PDLIM5: variants seen among roughly 807,000 people sequenced by gnomAD.
PDLIM5 encodes the protein PDZ and LIM domain protein 5.
A neutral mutation model predicts 64.2 loss-of-function variants in PDLIM5; 34 were observed. The ratio of observed to expected loss-of-function variants is 0.53; its 90% CI spans 0.40 to 0.71. PDLIM5 has a LOEUF of 0.71. PDLIM5 is among the 30% of genes least tolerant of loss of function. PDLIM5 has a pLI of 0.00. For missense variants in PDLIM5, 683 were observed against 733.6 expected, an observed-to-expected ratio of 0.93 and a Z score of 0.80; for synonymous variants, 253 against 269.1, an observed-to-expected ratio of 0.94 and a Z score of 0.59.
chr4:94,482,515 T>A (rs1207627585), intron 2 of PDLIM5, among the ~76,000 whole-genome samples: 1 of 152,208 alleles, frequency 6.6e-6, no homozygotes, highest in African/African-American at 2.4e-5. Flanking sequence ...GTAATGAATG[T>A]CTAATAATGA....
At chr4:94,611,195 A>G in intron 7 of PDLIM5, 2 of 1,534,802 alleles carry the variant, frequency 1.3e-6, no homozygotes, top group Non-Finnish European at 1.7e-6. Flanking sequence ...ATGTTAAGAA[A>G]ACAAGGTACT....
intron 2 of PDLIM5, among the ~76,000 whole-genome samples, chr4:94,488,142 A>T (rs1002568095): frequency 6.6e-6 from 1 of 152,222 alleles, no homozygotes; most frequent in Admixed American, 6.5e-5. Context: ...ACACTGATGC[A>T]GTCCAGCTTG....
intron 2 of PDLIM5, among the ~76,000 whole-genome samples, chr4:94,499,887 A>G (rs1427157767): frequency 6.6e-6 from 1 of 152,192 alleles, no homozygotes; most frequent in Non-Finnish European, 1.5e-5. Context: ...ATGAGAATCT[A>G]ATGCCTGATG....
intron 3 of PDLIM5, among the ~76,000 whole-genome samples, chr4:94,535,426 G>A (rs1000148654): frequency 5.3e-5 from 8 of 152,058 alleles, no homozygotes; most frequent in Non-Finnish European, 1.2e-4. Flanking sequence ...GTTCAATGTG[G>A]GCAAAACTAA....
chr4:94,598,451 G>A (rs890620343), intron 7 of PDLIM5, among the ~76,000 whole-genome samples: 1 of 152,104 alleles, frequency 6.6e-6, no homozygotes, highest in Admixed American at 6.6e-5. Context: ...GTGAGAAGCA[G>A]TTATATGAGT....
Position 94,665,503 on chromosome 4 carries a change from AAAAG to A in PDLIM5, c.*1438_*1441del. The stretch of plus-strand genomic sequence containing the variant: ...TCTTAAAAAAAAAAAAAAAAAAAAA[AAAAG>A]AGAGAGAGAGAATAAATAGAAAAGA... On this transcript the variant is annotated 3_prime_UTR_variant, in exon 13 of 13. Coordinates refer to ENST00000317968, the MANE Select transcript of PDLIM5 (RefSeq NM_006457.5). The A allele has an allele frequency of 5.2e-6, 4 of 772,770 alleles. No individual in the cohort carries two copies. The highest frequency in any genetic ancestry group is 6.2e-6 in the Non-Finnish European group (4 of 640,484). 47.9% of individuals were successfully genotyped at this position (772,770 alleles called of 1,614,324 possible).
At chr4:94,516,335 TG>T (rs1729355772) in intron 2 of PDLIM5, among the ~76,000 whole-genome samples, 1 of 152,210 alleles carries the variant, frequency 6.6e-6, no homozygotes, top group Non-Finnish European at 1.5e-5. Flanking sequence ...TGAGTAAAAT[TG>T]GCATAACCAA....
At position 94,463,810 on chromosome 4, in the gene PDLIM5, C is replaced by T. The variant is rs1409550088; in HGVS notation, c.96+8426C>T. 4.6e-5 allele frequency among the ~76,000 whole-genome samples: 7 copies of T among 152,288 alleles called. No individual in the cohort carries two copies. In the East Asian group the frequency reaches 1.2e-3, roughly 25 times the overall value. On this transcript the variant is annotated intron_variant, in intron 2 of 12. Coordinates refer to ENST00000317968, the MANE Select transcript of PDLIM5 (RefSeq NM_006457.5). ...GAGACTGACCATTATGAGGTGTTCA[C>T]TATGGTCCGAGGAATGGCAAATTTC... is the stretch of plus-strand genomic sequence containing the variant.
intron 7 of PDLIM5, among the ~76,000 whole-genome samples, chr4:94,593,368 G>A (rs1287622082): frequency 6.6e-6 from 1 of 152,188 alleles, no homozygotes; most frequent in East Asian, 1.9e-4. Flanking sequence ...GGTTAGGTGG[G>A]ACAGTAGAAA....
At chr4:94,571,013 A>G (rs1734760838) in intron 3 of PDLIM5, among the ~76,000 whole-genome samples, 1 of 152,208 alleles carries the variant, frequency 6.6e-6, no homozygotes, top group Admixed American at 6.5e-5. Context: ...CTTATTAACT[A>G]AAAACCATGT....
At chr4:94,517,897 A>G in intron 2 of PDLIM5, among the ~76,000 whole-genome samples, 1 of 152,198 alleles carries the variant, frequency 6.6e-6, no homozygotes, top group East Asian at 1.9e-4. Context: ...TCTATTTAGT[A>G]AACATCTGAC....
chr4:94,621,419 T>A (rs1210692477), intron 8 of PDLIM5, among the ~76,000 whole-genome samples: 1 of 152,192 alleles, frequency 6.6e-6, no homozygotes, highest in East Asian at 1.9e-4. Flanking sequence ...CTTTGTGCAT[T>A]TGAATACAGA....
At chr4:94,553,481 C>T (rs1018060168) in intron 3 of PDLIM5, among the ~76,000 whole-genome samples, 1 of 152,148 alleles carries the variant, frequency 6.6e-6, no homozygotes, top group Non-Finnish European at 1.5e-5. Context: ...TTCTTGGTAT[C>T]ATCATTATTT....
Position 94,552,856 on chromosome 4 carries a change from G to A in PDLIM5, c.249-20495G>A, listed in dbSNP as rs547127703. On this transcript the variant is annotated intron_variant, in intron 3 of 12. Transcript: ENST00000317968. ...AAAATGCACATCAGGGTAACATCAG[G>A]CACATCTATGACATGGTCAGAAACT... Among the ~76,000 whole-genome samples the A allele has an allele frequency of 4.6e-5, 7 of 152,092 alleles. No homozygotes were observed. The East Asian group carries it at 1.4e-3, about 29-fold the overall frequency.
chr4:94,533,063 A>G (rs1179269881), intron 3 of PDLIM5, among the ~76,000 whole-genome samples: 7 of 152,226 alleles, frequency 4.6e-5, no homozygotes, highest in Admixed American at 3.9e-4. Flanking sequence ...GGAAGAGACC[A>G]TAATTGTCAA....
At chr4:94,480,237 A>G (rs1328039968) in intron 2 of PDLIM5, among the ~76,000 whole-genome samples, 1 of 152,250 alleles carries the variant, frequency 6.6e-6, no homozygotes, top group Non-Finnish European at 1.5e-5. Context: ...AAAGTAAGAT[A>G]TGGTAAACAT....
chr4:94,620,931 CGTG>C (rs990035692), intron 8 of PDLIM5, among the ~76,000 whole-genome samples: 5 of 145,806 alleles, frequency 3.4e-5, no homozygotes, highest in African/African-American at 1.4e-4. Flanking sequence ...GTTAGCCAGG[CGTG>C]GTGGTGGGCA....
rs1743161297 is a variant in PDLIM5 at position 94,668,014 on chromosome 4, C to G, written c.*3947C>G. 1 of 152,070 alleles carries G rather than the reference C, an allele frequency of 6.6e-6. No homozygotes were observed. The allele number at this position is 152,070 out of a possible 1,614,324, so 9.4% of individuals were successfully genotyped here. ...GGCTTCCATTTGTCCCCCTCATTTC[C>G]CAAATGTTTAAATGTATTGGATTTG... On this transcript the variant is annotated 3_prime_UTR_variant, in exon 13 of 13. Transcript: ENST00000317968.
intron 2 of PDLIM5, among the ~76,000 whole-genome samples, chr4:94,517,622 A>G (rs1055989032): frequency 6.6e-6 from 1 of 152,256 alleles, no homozygotes; most frequent in African/African-American, 2.4e-5. Flanking sequence ...TGGACATGGG[A>G]AATTTCTGTT....
Sources: allele counts gnomAD v4.1 joint callset (sites outside exome capture counted in the v4.1 genomes callset), GRCh38; gene constraint gnomAD v4.1.1; transcripts MANE v1.5; gene names NCBI Gene and HGNC (gene_info 2026-07-23, HGNC 2026-07-21).